Variants in UBR3 observed in about 807,000 individuals in gnomAD.
UBR3 encodes the protein ubiquitin protein ligase E3 component n-recognin 3.
UBR3 carries 85 observed loss-of-function variants against 243.2 expected under a neutral mutation model. The ratio of observed to expected loss-of-function variants is 0.35; its 90% CI spans 0.29 to 0.42. The LOEUF (loss-of-function observed/expected upper bound fraction) is 0.42. Ranked by LOEUF, UBR3 falls within the 10% of genes least tolerant of loss-of-function variation. The pLI is 1.00. For synonymous variants in UBR3, 748 were observed against 799.8 expected (o/e 0.94, Z 1.09); for missense variants, 1,686 against 2,300.8 (o/e 0.73, Z 5.47).
At chr2:170,077,573 G>T (rs13008215) in intron 36 of UBR3, 424,340 of 556,932 alleles carry the variant, frequency 0.76, 163,768 homozygotes, top group East Asian at 0.87. Flanking sequence ...CTCTATGCCT[G>T]CGTCTTTCTC....
At chr2:169,989,806 A>G (rs114903037) in intron 25 of UBR3, among the ~76,000 whole-genome samples, 1,780 of 152,260 alleles carry the variant, frequency 0.012, 48 homozygotes, top group African/African-American at 0.039. Context: ...TATGAACTCT[A>G]TTAATAACTC....
At chr2:169,851,528 TC>T (rs1379755045) in intron 1 of UBR3, among the ~76,000 whole-genome samples, 1 of 152,216 alleles carries the variant, frequency 6.6e-6, no homozygotes, top group Non-Finnish European at 1.5e-5. Flanking sequence ...ATTATTGTCC[TC>T]GTTTTTTGGA....
chr2:169,872,494 G>A, intron 2 of UBR3, 119 bp downstream of exon 2: 3 of 705,992 alleles, frequency 4.2e-6, no homozygotes, highest in Non-Finnish European at 6.6e-6. Context: ...TTTAAAAAGA[G>A]ATGACTATAA....
At position 170,036,929 on chromosome 2, in the gene UBR3, G is replaced by A. The variant is rs1468530286; in HGVS notation, c.4557-3953G>A. ...ATGCCCATGTCTTCCAAGAGCTGAT[G>A]TATACTTTTATAACTAGTATTACAA... On this transcript the variant is annotated intron_variant, in intron 31 of 38. Coordinates refer to ENST00000272793, the MANE Select transcript of UBR3 (RefSeq NM_172070.4). 9.9e-5 allele frequency among the ~76,000 whole-genome samples: 15 copies of A among 152,030 alleles called. 1 individual carries two copies. Among genetic ancestry groups the A allele is most frequent in the Non-Finnish European group, 2.1e-4 (14 of 67,990 alleles).
At chr2:169,876,056 C>T in intron 3 of UBR3, 107 bp downstream of exon 3, 2 of 931,998 alleles carry the variant, frequency 2.1e-6, no homozygotes, top group Non-Finnish European at 2.9e-6. Flanking sequence ...TCATAGAATG[C>T]TAAAGCTGGA....
chr2:170,008,947 A>G lies in UBR3; in HGVS notation c.4367+7A>G. ...TTATGTACTCTGTTGCTAGGTAGGT[A>G]TATATAGTGTATACTTTTTAGTTTA... is the stretch of plus-strand genomic sequence containing the variant. On this transcript the variant is annotated splice_region_variant and intron_variant, in intron 29 of 38. Transcript: ENST00000272793. 2 of 1,547,264 alleles carry G rather than the reference A, an allele frequency of 1.3e-6. No homozygotes were observed. The highest frequency in any genetic ancestry group is 1.7e-6 in the Non-Finnish European group (2 of 1,151,916).
At chr2:169,944,608 A>G (rs2086716112) in intron 20 of UBR3, among the ~76,000 whole-genome samples, 2 of 152,138 alleles carry the variant, frequency 1.3e-5, no homozygotes, top group African/African-American at 4.8e-5. Flanking sequence ...TTAAAAATCA[A>G]TTTTAGTAAA....
At chr2:170,006,955 A>G (rs1363004492) in intron 27 of UBR3, 35 bp from the exon 28 acceptor site, 1 of 1,590,202 alleles carries the variant, frequency 6.3e-7, no homozygotes, top group African/African-American at 1.4e-5. Context: ...ATGAATGTGT[A>G]TATCACGCAT....
intron 26 of UBR3, among the ~76,000 whole-genome samples, chr2:169,996,521 A>G (rs1024040617): frequency 1.3e-5 from 2 of 152,122 alleles, no homozygotes; most frequent in African/African-American, 4.8e-5. Context: ...TAGGCCTGTT[A>G]GACAGTTTGG....
chr2:170,007,137 C>T lies in UBR3; in HGVS notation c.4177C>T (p.Gln1393Ter). 6.2e-7 allele frequency: 1 copy of T among 1,613,078 alleles called. No homozygotes were observed. Among genetic ancestry groups the T allele is most frequent in the Non-Finnish European group, 8.5e-7 (1 of 1,179,650 alleles). The change falls in exon 28 of 39, where the codon CAA becomes TAA. Residue 1393 changes from glutamine (Q) to a stop codon, truncating the protein, a stop_gained. Transcript: ENST00000272793. LOFTEE classifies it high-confidence loss of function. ...GCAACGTCCTAGCAACAAAAGCATA[C>T]AAGATCTCATAAAGGAAGTGGAGGA... Reference protein sequence around the residue: ...PWQRPSNKSIQDLIKEVEELQ... With the variant: ...PWQRPSNKSI
intron 8 of UBR3, among the ~76,000 whole-genome samples, chr2:169,902,311 T>G (rs1329771361): frequency 6.6e-6 from 1 of 152,180 alleles, no homozygotes; most frequent in East Asian, 1.9e-4. Flanking sequence ...TTGTTGTCAC[T>G]CTCCTTCAGT....
chr2:169,873,408 A>G (rs944058438), intron 2 of UBR3, among the ~76,000 whole-genome samples: 1 of 152,236 alleles, frequency 6.6e-6, no homozygotes, highest in African/African-American at 2.4e-5. Context: ...ATGGTGTTTC[A>G]TACCTGTAAT....
intron 30 of UBR3, among the ~76,000 whole-genome samples, chr2:170,026,355 A>T (rs1453726443): frequency 1.3e-5 from 2 of 152,222 alleles, no homozygotes; most frequent in Admixed American, 1.3e-4. Flanking sequence ...TAAATATTAA[A>T]TTTATTTCAT....
chr2:169,890,581 G>GTATATATATGTA (rs1559064410), intron 5 of UBR3, among the ~76,000 whole-genome samples: 1 of 96,528 alleles, frequency 1.0e-5, no homozygotes, highest in African/African-American at 5.0e-5. Context: ...ATATATATAT[G>GTATATATATGTA]TATATATATA....
intron 30 of UBR3, among the ~76,000 whole-genome samples, chr2:170,017,215 A>G (rs1574402863): frequency 6.7e-6 from 1 of 150,018 alleles, no homozygotes; most frequent in Non-Finnish European, 1.5e-5. Flanking sequence ...AAAAAAAAAA[A>G]TCTATCTTTT....
At position 169,890,563 on chromosome 2, in the gene UBR3, A is replaced by ATATATATATATGTGTGTG. The variant is rs1255881148; in HGVS notation, c.1039-601_1039-600insATATATATATGTGTGTGT. ...GAGATATATATATATATATATATATATGTGTATATATATATATGTATATAT... is the reference window on the plus strand; with the variant it reads ...GAGATATATATATATATATATATATATATATATATATGTGTGTGTGTGTATATATATATATGTATATAT... On this transcript the variant is annotated intron_variant, in intron 5 of 38. Coordinates refer to ENST00000272793, the MANE Select transcript of UBR3 (RefSeq NM_172070.4). Among the ~76,000 whole-genome samples, 247 of 83,612 alleles carry ATATATATATATGTGTGTG rather than the reference A, an allele frequency of 3.0e-3. 5 individuals carry two copies. The highest frequency in any genetic ancestry group is 4.3e-3 in the Non-Finnish European group (179 of 42,016). The allele number at this position is 83,612 out of a possible 152,430, so 54.9% of individuals were successfully genotyped here.
intron 14 of UBR3, 91 bp from the exon 15 acceptor site, chr2:169,926,595 CAAAAAA>C (rs2085918956): frequency 3.8e-6 from 5 of 1,305,988 alleles, no homozygotes; most frequent in Non-Finnish European, 5.2e-6. Flanking sequence ...AAACAAAAAA[CAAAAAA>C]CAAAAAACAA....
chr2:169,858,480 C>T (rs1163040168), intron 1 of UBR3, among the ~76,000 whole-genome samples: 1 of 151,968 alleles, frequency 6.6e-6, no homozygotes, highest in Non-Finnish European at 1.5e-5. Flanking sequence ...ACCACACGGG[C>T]TTGAAAGAGT....
chr2:169,835,999 CT>C (rs2082078157), intron 1 of UBR3, among the ~76,000 whole-genome samples: 2 of 7,538 alleles, frequency 2.7e-4, no homozygotes, highest in African/African-American at 1.2e-3. Context: ...CACTGTCTCT[CT>C]CTCTCTCTCT....
Sources: gnomAD v4.1 joint callset for allele counts (sites outside exome capture counted in the v4.1 genomes callset) on GRCh38, gnomAD v4.1.1 for gene constraint, MANE v1.5 for transcripts, NCBI Gene and HGNC (gene_info 2026-07-23, HGNC 2026-07-21) for gene names.